AVL9: variants seen among roughly 807,000 people sequenced by gnomAD.
The protein encoded by AVL9 is late secretory pathway protein AVL9 homolog.
A neutral mutation model predicts 79.2 loss-of-function variants in AVL9; 49 were observed. The observed-to-expected ratio is 0.62, with a 90% CI of 0.49 to 0.79. The LOEUF is 0.79. Ranked by LOEUF, AVL9 falls within the 30% of genes least tolerant of loss-of-function variation. The pLI, the probability that AVL9 is intolerant of heterozygous loss-of-function variation, is 0.00. For synonymous variants in AVL9, 299 were observed against 280.6 expected, an observed-to-expected ratio of 1.07 and a Z score of -0.65; for missense variants, 682 against 776.8, an observed-to-expected ratio of 0.88 and a Z score of 1.45.
chr7:32,558,643 G>A lies in AVL9; in HGVS notation c.679+15G>A. On this transcript the variant is annotated intron_variant, in intron 9 of 15. Coordinates refer to ENST00000318709, the MANE Select transcript of AVL9 (RefSeq NM_015060.3). ...CCTTTTTCCAGGTAAGAAAACAGCA[G>A]TATCTACTCTTTCTTTTGTTTAACT... 1.3e-6 allele frequency: 2 copies of A among 1,581,818 alleles called. No homozygotes were observed. The highest frequency in any genetic ancestry group is 1.7e-6 in the Non-Finnish European group (2 of 1,160,492).
At chr7:32,505,510 C>A (rs1384009265) in intron 1 of AVL9, among the ~76,000 whole-genome samples, 1 of 106,572 alleles carries the variant, frequency 9.4e-6, no homozygotes, top group Non-Finnish European at 1.9e-5. Flanking sequence ...GCAACAAGAG[C>A]AAAACTCCGT....
chr7:32,512,417 A>G (rs1787719745), intron 1 of AVL9, among the ~76,000 whole-genome samples: 4 of 152,216 alleles, frequency 2.6e-5, no homozygotes, highest in African/African-American at 9.7e-5. Flanking sequence ...ATCGATGAGG[A>G]CACTAAAGAC....
In AVL9 at chr7:32,573,276, C is replaced by T. The variant is rs745562412; in HGVS notation, c.1428C>T (p.Phe476=). The change falls in exon 12 of 16, where the codon TTC becomes TTT. Residue 476 remains phenylalanine, a synonymous_variant. Transcript: ENST00000318709. ...LLNPTTADLR[F]ADYLVRHVTE... ...ACCCAACCACTGCAGACCTAAGGTT[C>T]GCAGACTACCTAGTGAGGCACGTGA... The T allele has an allele frequency of 9.3e-6, 15 of 1,613,844 alleles. No individual in the cohort carries two copies. Among genetic ancestry groups the T allele is most frequent in the Middle Eastern group, 1.6e-4 (1 of 6,062 alleles).
chr7:32,504,328 C>A lies in AVL9; in HGVS notation c.93+8526C>A, dbSNP rs577163071. ...CATCTTTGTATATATTTTCAGGAAC[C>A]TGGAGATAATGTTCCATTTATATCA... On this transcript the variant is annotated intron_variant, in intron 1 of 15. Coordinates refer to ENST00000318709, the MANE Select transcript of AVL9 (RefSeq NM_015060.3). Among the ~76,000 whole-genome samples, 3 of 152,192 alleles carry A rather than the reference C, an allele frequency of 2.0e-5. No individual in the cohort carries two copies. The East Asian group carries it at 5.8e-4, about 29-fold the overall frequency.
intron 1 of AVL9, among the ~76,000 whole-genome samples, chr7:32,527,536 T>C (rs1458036220): frequency 7.7e-6 from 1 of 130,596 alleles, no homozygotes; most frequent in Non-Finnish European, 1.7e-5. Context: ...GATTGTTGGC[T>C]TTCTACTTAA....
At chr7:32,569,502 A>G (rs1008082512) in intron 10 of AVL9, among the ~76,000 whole-genome samples, 2 of 152,238 alleles carry the variant, frequency 1.3e-5, no homozygotes, top group Non-Finnish European at 2.9e-5. Flanking sequence ...TTTGCTTTAA[A>G]TATTTAGTAA....
chr7:32,540,644 C>T (rs1789136933), intron 1 of AVL9, among the ~76,000 whole-genome samples: 1 of 151,996 alleles, frequency 6.6e-6, no homozygotes. Flanking sequence ...GCCTTAAAGC[C>T]ACCTCAGTCT....
chr7:32,499,754 A>G (rs541254653), intron 1 of AVL9, among the ~76,000 whole-genome samples: 1 of 152,096 alleles, frequency 6.6e-6, no homozygotes, highest in East Asian at 1.9e-4. Context: ...CTTGCCTCCC[A>G]TCCCCCAACA....
chr7:32,552,394 A>G, intron 6 of AVL9, 99 bp downstream of exon 6: 2 of 668,748 alleles, frequency 3.0e-6, no homozygotes, highest in East Asian at 2.8e-5. Context: ...ACATCTCTAT[A>G]TGGGATCTAA....
chr7:32,539,604 T>C (rs959105772), intron 1 of AVL9, among the ~76,000 whole-genome samples: 1 of 152,228 alleles, frequency 6.6e-6, no homozygotes, highest in East Asian at 1.9e-4. Context: ...CACTGTTGAC[T>C]GATATTCTAC....
At chr7:32,577,406 A>C (rs1791152525) in intron 13 of AVL9, among the ~76,000 whole-genome samples, 1 of 152,246 alleles carries the variant, frequency 6.6e-6, no homozygotes, top group African/African-American at 2.4e-5. Flanking sequence ...ACAGAATTAA[A>C]AGGCAAAACC....
At chr7:32,544,369 G>A (rs188453316) in intron 2 of AVL9, among the ~76,000 whole-genome samples, 27 of 152,192 alleles carry the variant, frequency 1.8e-4, no homozygotes, top group South Asian at 6.2e-4. Context: ...TTCAAGGTTC[G>A]TGTGTTGCTG....
intron 8 of AVL9, among the ~76,000 whole-genome samples, chr7:32,558,089 CATT>C (rs1439465486): frequency 2.0e-5 from 3 of 151,068 alleles, no homozygotes; most frequent in African/African-American, 7.3e-5. Flanking sequence ...CTCCTGACCT[CATT>C]ATCTGCCCGC....
At chr7:32,550,361 A>G (rs2128137724) in intron 4 of AVL9, among the ~76,000 whole-genome samples, 1 of 151,460 alleles carries the variant, frequency 6.6e-6, no homozygotes, top group East Asian at 1.9e-4. Context: ...ACTAAGTGAT[A>G]AAATTGGGGT....
At chr7:32,559,712 C>G (rs1790249807) in intron 10 of AVL9, among the ~76,000 whole-genome samples, 2 of 152,220 alleles carry the variant, frequency 1.3e-5, no homozygotes, top group South Asian at 2.1e-4. Flanking sequence ...TGCACAATCA[C>G]TCTCTTGGGT....
intron 2 of AVL9, among the ~76,000 whole-genome samples, chr7:32,543,731 C>T (rs545951199): frequency 3.3e-5 from 5 of 152,298 alleles, no homozygotes; most frequent in East Asian, 1.9e-4. Flanking sequence ...TGCTTGCATG[C>T]GGAGCATGTT....
chr7:32,520,789 G>A (rs1356503601), intron 1 of AVL9, among the ~76,000 whole-genome samples: 2 of 152,116 alleles, frequency 1.3e-5, no homozygotes, highest in African/African-American at 2.4e-5. Context: ...CCTCATGGGT[G>A]TACAGATGGT....
At chr7:32,544,007 C>T (rs1336397645) in intron 2 of AVL9, among the ~76,000 whole-genome samples, 1 of 151,802 alleles carries the variant, frequency 6.6e-6, no homozygotes, top group Non-Finnish European at 1.5e-5. Context: ...AGTTCTCCTA[C>T]CCCAGCCTTC....
chr7:32,497,472 C>T (rs912973659), intron 1 of AVL9, among the ~76,000 whole-genome samples: 1 of 152,162 alleles, frequency 6.6e-6, no homozygotes, highest in African/African-American at 2.4e-5. Flanking sequence ...AGATTTGCCC[C>T]AGGATAGATT....
Sources: gnomAD v4.1 joint callset for allele counts (sites outside exome capture counted in the v4.1 genomes callset) on GRCh38, gnomAD v4.1.1 for gene constraint, MANE v1.5 for transcripts, NCBI Gene and HGNC (gene_info 2026-07-23, HGNC 2026-07-21) for gene names.